The following MAML2 variants were observed in gnomAD, a reference collection of about 807,000 sequenced individuals.
MAML2 encodes mastermind-like protein 2.
MAML2 carries 22 observed loss-of-function variants against 96.1 expected under a neutral mutation model. The observed-to-expected ratio is 0.23, with a 90% CI of 0.16 to 0.33. The LOEUF (loss-of-function observed/expected upper bound fraction) is 0.33. MAML2 is among the 10% of genes least tolerant of loss of function. MAML2 has a pLI of 1.00. For missense variants in MAML2, 1,367 were observed against 1,392.4 expected, an observed-to-expected ratio of 0.98 and a Z score of 0.29; for synonymous variants, 561 against 521.3, an observed-to-expected ratio of 1.08 and a Z score of -1.04.
intron 1 of MAML2, among the ~76,000 whole-genome samples, chr11:96,175,555 G>A (rs751236788): frequency 2.6e-5 from 4 of 152,128 alleles, no homozygotes; most frequent in Non-Finnish European, 5.9e-5. Flanking sequence ...CTTAATGCAT[G>A]TAGCAATACT....
intron 1 of MAML2, among the ~76,000 whole-genome samples, chr11:96,226,767 T>G (rs928481328): frequency 1.3e-5 from 2 of 152,224 alleles, no homozygotes; most frequent in Admixed American, 6.5e-5. Context: ...ATTATTATTC[T>G]TATTCTTTAC....
intron 2 of MAML2, among the ~76,000 whole-genome samples, chr11:96,057,429 G>A (rs1041762673): frequency 5.3e-5 from 8 of 152,060 alleles, no homozygotes; most frequent in African/African-American, 1.4e-4. Context: ...ATACATCCAG[G>A]CATCTATCCA....
intron 1 of MAML2, among the ~76,000 whole-genome samples, chr11:96,157,635 G>T (rs1295108195): frequency 6.6e-6 from 1 of 152,096 alleles, no homozygotes; most frequent in Non-Finnish European, 1.5e-5. Context: ...AAGTAAAAGG[G>T]TATTTTACTT....
At chr11:95,986,695 C>G (rs1857834656) in intron 3 of MAML2, among the ~76,000 whole-genome samples, 1 of 152,138 alleles carries the variant, frequency 6.6e-6, no homozygotes, top group South Asian at 2.1e-4. Context: ...GTAACTTGCT[C>G]AAGGTCACAC....
Position 96,092,820 on chromosome 11 carries a change from A to T in MAML2, c.1211T>A (p.Ile404Asn), listed in dbSNP as rs1451282690. 1 of 1,609,748 alleles carries T rather than the reference A, an allele frequency of 6.2e-7. No homozygotes were observed. The highest frequency in any genetic ancestry group is 8.5e-7 in the Non-Finnish European group (1 of 1,177,338). Residue 404 changes from isoleucine (I) to asparagine (N), a missense_variant, in exon 2 of 5, where the codon ATC (isoleucine) becomes AAC (asparagine). Physicochemically the swap from Ile to Asn is moderately radical, Grantham distance 149. Coordinates refer to ENST00000524717, the MANE Select transcript of MAML2 (RefSeq NM_032427.4). The surrounding 1 kb of genome is among the most constrained non-coding windows in gnomAD (Gnocchi z 4.1). ...ANSALSTSSP[I>N]PSVPQSQAQP... ...AGCCTGGCTCTGAGGGACTGAAGGGATTGGAGACGAAGTGGAGAGGGCAGA... is the reference window on the plus strand; with the variant it reads ...AGCCTGGCTCTGAGGGACTGAAGGGTTTGGAGACGAAGTGGAGAGGGCAGA...
intron 1 of MAML2, among the ~76,000 whole-genome samples, chr11:96,313,318 TC>T (rs1863572965): frequency 6.6e-6 from 1 of 152,122 alleles, no homozygotes; most frequent in South Asian, 2.1e-4. Context: ...AAATCCTTCA[TC>T]CCCATCTCAG....
chr11:96,041,245 C>A (rs1021689714), intron 2 of MAML2, among the ~76,000 whole-genome samples: 1 of 151,646 alleles, frequency 6.6e-6, no homozygotes, highest in African/African-American at 2.4e-5. Context: ...AATCCCAGCA[C>A]TTTGGGAGGC....
At chr11:96,188,340 C>G (rs1476091369) in intron 1 of MAML2, among the ~76,000 whole-genome samples, 2 of 152,172 alleles carry the variant, frequency 1.3e-5, no homozygotes, top group African/African-American at 2.4e-5. Flanking sequence ...AAATGGAAAG[C>G]CAACACATCT....
At chr11:96,039,827 G>A (rs955070091) in intron 2 of MAML2, among the ~76,000 whole-genome samples, 4 of 151,798 alleles carry the variant, frequency 2.6e-5, no homozygotes, top group African/African-American at 7.3e-5. Context: ...GCGTAGTGGC[G>A]GGTGCCTGTA....
chr11:96,341,853 C>G lies in MAML2; in HGVS notation c.43G>C (p.Gly15Arg). ...APPQAPAGGLGGASGAGLLGG... is the reference protein window; with the variant it reads ...APPQAPAGGLRGASGAGLLGG... ...AGGAGCCCCGCCCCAGAGGCCCCCC[C>G]TAGCCCTCCTGCGGGGGCCTGCGGG... Residue 15 changes from glycine to arginine, a missense_variant, in exon 1 of 5, where the codon GGG (glycine) becomes CGG (arginine). Transcript: ENST00000524717. 1 of 1,558,246 alleles carries G rather than the reference C, an allele frequency of 6.4e-7. No homozygotes were observed. The highest frequency in any genetic ancestry group is 1.2e-5 in the South Asian group (1 of 85,862).
intron 1 of MAML2, among the ~76,000 whole-genome samples, chr11:96,192,114 T>C (rs746286957): frequency 6.6e-6 from 1 of 152,106 alleles, no homozygotes; most frequent in African/African-American, 2.4e-5. Context: ...AGGAGGAAAG[T>C]AGAGGCTTTG....
At chr11:96,198,400 C>T (rs1440389703) in intron 1 of MAML2, among the ~76,000 whole-genome samples, 1 of 152,210 alleles carries the variant, frequency 6.6e-6, no homozygotes, top group African/African-American at 2.4e-5. Context: ...GATATGTCCT[C>T]CCTATGTCTT....
intron 1 of MAML2, among the ~76,000 whole-genome samples, chr11:96,196,340 C>T (rs555891555): frequency 3.9e-5 from 6 of 152,296 alleles, no homozygotes; most frequent in South Asian, 2.1e-4. Flanking sequence ...GACAAGGACT[C>T]GGCTTAAAAA....
chr11:96,136,629 T>C (rs894069611), intron 1 of MAML2, among the ~76,000 whole-genome samples: 1 of 152,208 alleles, frequency 6.6e-6, no homozygotes, highest in Non-Finnish European at 1.5e-5. Context: ...ATACTTCTAG[T>C]ATGGTAGGTA....
chr11:96,151,534 T>C (rs1196322148), intron 1 of MAML2, among the ~76,000 whole-genome samples: 1 of 152,234 alleles, frequency 6.6e-6, no homozygotes, highest in Non-Finnish European at 1.5e-5. Context: ...AGGTGAGGCC[T>C]GGTGGGAGGT....
chr11:96,099,682 C>T (rs924561327), intron 1 of MAML2, among the ~76,000 whole-genome samples: 2 of 152,142 alleles, frequency 1.3e-5, no homozygotes, highest in African/African-American at 2.4e-5. Context: ...TAAAACAATG[C>T]TAAAAAGGAG....
chr11:96,170,946 C>T (rs1015915120), intron 1 of MAML2, among the ~76,000 whole-genome samples: 16 of 152,102 alleles, frequency 1.1e-4, no homozygotes, highest in Admixed American at 7.2e-4. Flanking sequence ...GATCTCCTGA[C>T]CTCAAATGAT....
At chr11:96,303,923 T>C (rs529184070) in intron 1 of MAML2, among the ~76,000 whole-genome samples, 14 of 152,322 alleles carry the variant, frequency 9.2e-5, no homozygotes, top group Non-Finnish European at 1.8e-4. Context: ...ATCTGAGAAC[T>C]GCTGCTGTGG....
Position 96,211,406 on chromosome 11 carries a change from G to C in MAML2, c.514-117889C>G, listed in dbSNP as rs186053864. Among the ~76,000 whole-genome samples, 5 of 149,592 alleles carry C rather than the reference G, an allele frequency of 3.3e-5. No homozygotes were observed. In the East Asian group the frequency reaches 9.8e-4, roughly 29 times the overall value. On this transcript the variant is annotated intron_variant, in intron 1 of 4. Coordinates refer to ENST00000524717, the MANE Select transcript of MAML2 (RefSeq NM_032427.4). ...AACAACTATTTACTGAATTCCTTTT[G>C]AGTGGAAGACATTGTCCAATGTGAT...
Sources: gnomAD v4.1 joint callset for allele counts (sites outside exome capture counted in the v4.1 genomes callset) on GRCh38, gnomAD v4.1.1 for gene constraint, Gnocchi (gnomAD v3.1) non-coding constraint, MANE v1.5 for transcripts, NCBI Gene and HGNC (gene_info 2026-07-23, HGNC 2026-07-21) for gene names.